Variants in MCC observed in about 807,000 individuals in gnomAD.
MCC encodes colorectal mutant cancer protein.
Under a neutral mutation model 116.2 loss-of-function variants are expected in MCC, and 90 were observed. The ratio of observed to expected loss-of-function variants is 0.77; its 90% confidence interval spans 0.65 to 0.92. MCC has a LOEUF of 0.92. Ranked by LOEUF, MCC falls within the 40% of genes least tolerant of loss-of-function variation. MCC has a pLI of 0.00. For missense variants in MCC, 1,516 were observed against 1,312.2 expected (o/e 1.16, Z -2.40); for synonymous variants, 578 against 510.5 (o/e 1.13, Z -1.78).
At chr5:113,485,756 G>A (rs1254097674) in intron 1 of MCC, among the ~76,000 whole-genome samples, 1 of 152,128 alleles carries the variant, frequency 6.6e-6, no homozygotes, top group East Asian at 1.9e-4. Context: ...AGGTGACAAA[G>A]CCAACCCTTA....
intron 1 of MCC, chr5:113,433,727 G>A (rs766128709): frequency 4.6e-5 from 74 of 1,605,124 alleles, no homozygotes; most frequent in South Asian, 9.0e-5. Context: ...TCCCTGGGCC[G>A]CAAGAAGCTC....
intron 3 of MCC, among the ~76,000 whole-genome samples, chr5:113,309,759 G>C: frequency 6.6e-6 from 1 of 152,126 alleles, no homozygotes. Flanking sequence ...TCTGGGTATT[G>C]CTGTATCAAA....
chr5:113,461,946 G>A (rs934480862), intron 1 of MCC, among the ~76,000 whole-genome samples: 2 of 152,086 alleles, frequency 1.3e-5, no homozygotes, highest in Admixed American at 1.3e-4. Flanking sequence ...GGACACACTA[G>A]GTTAAAAATT....
intron 5 of MCC, among the ~76,000 whole-genome samples, chr5:113,134,839 T>C (rs79131492): frequency 0.014 from 2,100 of 152,086 alleles, 65 homozygotes; most frequent in African/African-American, 0.048. Flanking sequence ...ATTAACAATA[T>C]TAATTCTTCC....
chr5:113,278,272 C>T (rs1463764853), intron 3 of MCC, among the ~76,000 whole-genome samples: 2 of 152,170 alleles, frequency 1.3e-5, no homozygotes, highest in East Asian at 3.9e-4. Flanking sequence ...CCCCTAAAGA[C>T]AGGATCTGTC....
At chr5:113,045,017 C>T (rs1020567984) in intron 16 of MCC, among the ~76,000 whole-genome samples, 1 of 152,232 alleles carries the variant, frequency 6.6e-6, no homozygotes, top group Non-Finnish European at 1.5e-5. Flanking sequence ...TGCCCTCCAC[C>T]TGGGCCGCCT....
At chr5:113,408,014 C>G (rs187581878) in intron 1 of MCC, among the ~76,000 whole-genome samples, 3 of 152,164 alleles carry the variant, frequency 2.0e-5, no homozygotes, top group African/African-American at 7.2e-5. Context: ...ATTAAGAGGC[C>G]TAGTTAGAAG....
chr5:113,309,357 C>T (rs1767083824), intron 3 of MCC, among the ~76,000 whole-genome samples: 1 of 152,190 alleles, frequency 6.6e-6, no homozygotes, highest in Non-Finnish European at 1.5e-5. Context: ...CCCTCCCCCA[C>T]TGAGTCTCCC....
At chr5:113,445,060 G>A in intron 1 of MCC, among the ~76,000 whole-genome samples, 1 of 152,146 alleles carries the variant, frequency 6.6e-6, no homozygotes, top group East Asian at 1.9e-4. Flanking sequence ...CAGTAACCCA[G>A]ATACAGCCCA....
intron 3 of MCC, among the ~76,000 whole-genome samples, chr5:113,211,533 G>T (rs1018240092): frequency 3.3e-5 from 5 of 152,162 alleles, no homozygotes; most frequent in African/African-American, 1.2e-4. Context: ...GGCTTGGGGG[G>T]TTCTTGTTGC....
chr5:113,108,681 C>T (rs1283497067), intron 6 of MCC, among the ~76,000 whole-genome samples: 1 of 150,484 alleles, frequency 6.6e-6, no homozygotes, highest in African/African-American at 2.4e-5. Flanking sequence ...GGGAAGTAAC[C>T]ATAGATAACA....
intron 3 of MCC, among the ~76,000 whole-genome samples, chr5:113,234,147 T>G (rs1473124962): frequency 2.0e-5 from 3 of 152,130 alleles, no homozygotes; most frequent in African/African-American, 7.2e-5. Flanking sequence ...GAACTGATAG[T>G]TTGTGAAAAT....
intron 15 of MCC, 144 bp from the exon 16 acceptor site, chr5:113,049,443 G>A (rs1752344716): frequency 1.6e-6 from 1 of 635,266 alleles, no homozygotes; most frequent in Non-Finnish European, 2.7e-6. Flanking sequence ...GCAGTAGGAT[G>A]AGTGGGAGGA....
At chr5:113,077,363 GCAC>G (rs1159905152) in intron 11 of MCC, among the ~76,000 whole-genome samples, 8 of 152,150 alleles carry the variant, frequency 5.3e-5, no homozygotes, top group Non-Finnish European at 2.9e-5. Flanking sequence ...ATTCTTCTCA[GCAC>G]CACATCACAC....
intron 3 of MCC, among the ~76,000 whole-genome samples, chr5:113,224,020 C>A (rs1355634416): frequency 6.6e-6 from 1 of 152,110 alleles, no homozygotes; most frequent in Non-Finnish European, 1.5e-5. Flanking sequence ...CATTTCAGAT[C>A]TTTTACAAAC....
chr5:113,487,155 A>G (rs1485290431), intron 1 of MCC, among the ~76,000 whole-genome samples: 3 of 151,844 alleles, frequency 2.0e-5, no homozygotes, highest in Non-Finnish European at 4.4e-5. Context: ...CCAAATAAAT[A>G]ATTTTTTTTA....
At chr5:113,078,749 A>G (rs944510578) in intron 11 of MCC, among the ~76,000 whole-genome samples, 1 of 152,238 alleles carries the variant, frequency 6.6e-6, no homozygotes, top group African/African-American at 2.4e-5. Context: ...AAACTGGCAC[A>G]AGACAGGGAT....
chr5:113,471,314 C>G (rs879477259), intron 1 of MCC, among the ~76,000 whole-genome samples: 7 of 151,998 alleles, frequency 4.6e-5, no homozygotes, highest in African/African-American at 1.7e-4. Flanking sequence ...TTTTATCTAC[C>G]TTTGGTCTTT....
intron 1 of MCC, among the ~76,000 whole-genome samples, chr5:113,469,846 C>T (rs1464642640): frequency 6.6e-6 from 1 of 152,104 alleles, no homozygotes; most frequent in Non-Finnish European, 1.5e-5. Flanking sequence ...TAAGGACTTG[C>T]TTTATGAATC....
Sources: allele counts gnomAD v4.1 joint callset (sites outside exome capture counted in the v4.1 genomes callset), GRCh38; gene constraint gnomAD v4.1.1; transcripts MANE v1.5; gene names NCBI Gene and HGNC (gene_info 2026-07-23, HGNC 2026-07-21).